ANKRD27: variants seen among roughly 807,000 people sequenced by gnomAD.
ANKRD27 encodes the protein ankyrin repeat domain 27.
In ANKRD27, 112 loss-of-function variants were observed where a neutral mutation model predicts 129.7. The observed-to-expected ratio is 0.86, with a 90% CI of 0.74 to 1.01. ANKRD27 has a LOEUF of 1.01. Among genes scored for constraint, ANKRD27 ranks in the 50% least tolerant of loss-of-function variants. The probability of loss-of-function intolerance (pLI) is 0.00; values close to 1 mark genes in which losing one functional copy is unlikely to be tolerated. For synonymous variants in ANKRD27, 516 were observed against 511.2 expected (o/e 1.01, Z -0.13); for missense variants, 1,258 against 1,300.5 (o/e 0.97, Z 0.50).
chr19:32,651,731 C>A (rs539493809), intron 2 of ANKRD27, among the ~76,000 whole-genome samples: 1 of 152,038 alleles, frequency 6.6e-6, no homozygotes, highest in African/African-American at 2.4e-5. Context: ...ACATGCTGCC[C>A]GCTTGTTTGC....
At chr19:32,631,027 T>C (rs1223547479) in intron 13 of ANKRD27, among the ~76,000 whole-genome samples, 1 of 152,034 alleles carries the variant, frequency 6.6e-6, no homozygotes, top group Non-Finnish European at 1.5e-5. Context: ...TGATCATTTT[T>C]TTTTTCTTTT....
chr19:32,646,384 A>G, intron 4 of ANKRD27, 75 bp downstream of exon 4: 1 of 1,483,556 alleles, frequency 6.7e-7, no homozygotes, highest in Middle Eastern at 1.8e-4. Context: ...TAACCTTTCA[A>G]CAGCTAAGTC....
chr19:32,605,026 T>G (rs1971711223), intron 24 of ANKRD27, among the ~76,000 whole-genome samples: 1 of 150,864 alleles, frequency 6.6e-6, no homozygotes, highest in Admixed American at 6.6e-5. Context: ...GAGCTGAGAG[T>G]AAGCCACTGC....
At chr19:32,623,042 T>G (rs1972038010) in intron 17 of ANKRD27, among the ~76,000 whole-genome samples, 1 of 151,474 alleles carries the variant, frequency 6.6e-6, no homozygotes, top group South Asian at 2.1e-4. Flanking sequence ...TCCTCCCACC[T>G]CAGCCTCTCA....
chr19:32,612,017 G>A (rs1971842882), intron 22 of ANKRD27, among the ~76,000 whole-genome samples: 1 of 152,210 alleles, frequency 6.6e-6, no homozygotes, highest in Non-Finnish European at 1.5e-5. Context: ...GGGATTACAG[G>A]TGTATGACAC....
chr19:32,617,876 T>C (rs997253350), intron 20 of ANKRD27, among the ~76,000 whole-genome samples: 2 of 151,328 alleles, frequency 1.3e-5, no homozygotes, highest in Non-Finnish European at 1.5e-5. Flanking sequence ...TGCCTCAGCC[T>C]CCCTAGTAGC....
chr19:32,622,528 C>A lies in ANKRD27; in HGVS notation c.1721G>T (p.Arg574Leu), dbSNP rs146675026. The change falls in exon 18 of 29, where the codon CGC becomes CTC. Residue 574 changes from arginine to leucine, a missense_variant. Transcript: ENST00000306065. The part of the protein sequence containing the change: ...KGDTPLHIAA[R>L]WGYQGVIETL... ...CTCTATGACGCCTTGGTAGCCCCAG[C>A]GGGCAGCAATGTGTAGAGGGGTGTC... 2 of 1,613,870 alleles carry A rather than the reference C, an allele frequency of 1.2e-6. No homozygotes were observed. The highest frequency in any genetic ancestry group is 1.7e-6 in the Non-Finnish European group (2 of 1,180,016).
intron 26 of ANKRD27, among the ~76,000 whole-genome samples, chr19:32,600,975 A>G (rs1292251272): frequency 6.6e-6 from 1 of 152,144 alleles, no homozygotes; most frequent in Non-Finnish European, 1.5e-5. Flanking sequence ...TTTTAATTAT[A>G]ATCAACCTCC....
chr19:32,658,969 G>A lies in ANKRD27; in HGVS notation c.47C>T (p.Ala16Val). Residue 16 changes from alanine (A) to valine (V), a missense_variant, in exon 2 of 29, where the codon GCT (alanine) becomes GTT (valine). Coordinates refer to ENST00000306065, the MANE Select transcript of ANKRD27 (RefSeq NM_032139.3). ...EDLLKNPFYL[A>V]LQKCRPDLCS... ...CAAGTCAGGGCGGCACTTTTGCAGA[G>A]CCAGATAGAAAGGATTTTTCAGGAG... 6.2e-7 allele frequency: 1 copy of A among 1,614,072 alleles called. No individual in the cohort carries two copies. Among genetic ancestry groups the A allele is most frequent in the Non-Finnish European group, 8.5e-7 (1 of 1,180,020 alleles).
intron 2 of ANKRD27, among the ~76,000 whole-genome samples, chr19:32,652,836 G>A (rs1050584149): frequency 6.6e-6 from 1 of 151,912 alleles, no homozygotes; most frequent in Non-Finnish European, 1.5e-5. Flanking sequence ...ACTAAGACAG[G>A]AGGATCACTT....
At chr19:32,673,654 C>T (rs1237018506) in intron 1 of ANKRD27, among the ~76,000 whole-genome samples, 1 of 152,172 alleles carries the variant, frequency 6.6e-6, no homozygotes, top group East Asian at 1.9e-4. Context: ...CCCTATGTAG[C>T]GTGTGGGTGG....
intron 1 of ANKRD27, among the ~76,000 whole-genome samples, chr19:32,671,953 G>C (rs753262959): frequency 6.6e-6 from 1 of 152,176 alleles, no homozygotes; most frequent in Non-Finnish European, 1.5e-5. Context: ...CCTCAAACTA[G>C]TATTTCAGGG....
At position 32,628,868 on chromosome 19, in the gene ANKRD27, G is replaced by A. The variant is rs774226185; in HGVS notation, c.1210-19C>T. 1.2e-6 allele frequency: 2 copies of A among 1,613,414 alleles called. No individual in the cohort carries two copies. Among genetic ancestry groups the A allele is most frequent in the South Asian group, 1.1e-5 (1 of 91,014 alleles). On this transcript the variant is annotated intron_variant, in intron 13 of 28. Transcript: ENST00000306065. ...CAATGTGCTGAAAAGTGACATCCAA[G>A]ATGCTATCCACATGCTGGAATTACT...
At chr19:32,608,339 C>T (rs1225371418) in intron 22 of ANKRD27, 6 of 289,760 alleles carry the variant, frequency 2.1e-5, no homozygotes. Context: ...TTCACCAGGG[C>T]TGTAGAGCCT....
chr19:32,668,929 G>C (rs1967813036), intron 1 of ANKRD27, among the ~76,000 whole-genome samples: 1 of 152,072 alleles, frequency 6.6e-6, no homozygotes, highest in South Asian at 2.1e-4. Flanking sequence ...CACAGATGAA[G>C]AAACTGAGAT....
At chr19:32,645,701 C>A (rs893980309) in intron 4 of ANKRD27, among the ~76,000 whole-genome samples, 8 of 151,930 alleles carry the variant, frequency 5.3e-5, no homozygotes, top group Admixed American at 5.2e-4. Flanking sequence ...GGTGCGATCT[C>A]GGCTCACCAC....
intron 1 of ANKRD27, among the ~76,000 whole-genome samples, chr19:32,674,543 A>C (rs528866221): frequency 6.8e-6 from 1 of 146,216 alleles, no homozygotes; most frequent in Non-Finnish European, 1.5e-5. Context: ...GTTTTCCTTT[A>C]ACAATCTTTA....
At chr19:32,605,730 G>T (rs1349435430) in intron 24 of ANKRD27, 105 bp downstream of exon 24, 16 of 1,476,976 alleles carry the variant, frequency 1.1e-5, no homozygotes, top group Non-Finnish European at 1.5e-5. Flanking sequence ...GGGGTTGATG[G>T]GTGGCCGGGC....
At chr19:32,609,902 G>A (rs1971808734) in intron 22 of ANKRD27, among the ~76,000 whole-genome samples, 1 of 152,068 alleles carries the variant, frequency 6.6e-6, no homozygotes, top group Non-Finnish European at 1.5e-5. Flanking sequence ...GAGACCGGGT[G>A]TGGTGGCTCA....
Sources: gnomAD v4.1 joint callset for allele counts (sites outside exome capture counted in the v4.1 genomes callset) on GRCh38, gnomAD v4.1.1 for gene constraint, MANE v1.5 for transcripts, NCBI Gene and HGNC (gene_info 2026-07-23, HGNC 2026-07-21) for gene names.